The following CBLC variants were observed in gnomAD, a reference collection of about 807,000 sequenced individuals.
CBLC encodes the protein E3 ubiquitin-protein ligase CBL-C.
Under a neutral mutation model 58.6 loss-of-function variants are expected in CBLC, and 46 were observed. The ratio of observed to expected loss-of-function variants is 0.79; its 90% CI spans 0.62 to 1.00. CBLC has a LOEUF of 1.00. Among genes scored for constraint, CBLC ranks in the 50% least tolerant of loss-of-function variants. The pLI is 0.00. For synonymous variants in CBLC, 271 were observed against 264.2 expected (o/e 1.03, Z -0.25); for missense variants, 655 against 625.8 (o/e 1.05, Z -0.50).
intron 1 of CBLC, 112 bp downstream of exon 1, chr19:44,778,396 C>G: frequency 3.8e-6 from 4 of 1,050,072 alleles, no homozygotes; most frequent in Non-Finnish European, 4.9e-6. Flanking sequence ...TCCCTCAGAC[C>G]CAGGAACTCA....
intron 7 of CBLC, among the ~76,000 whole-genome samples, chr19:44,793,237 G>A (rs761341956): frequency 2.2e-4 from 34 of 152,148 alleles, no homozygotes; most frequent in Non-Finnish European, 4.3e-4. Flanking sequence ...GCTCCATGGG[G>A]ATCCCTGGCC....
intron 4 of CBLC, among the ~76,000 whole-genome samples, chr19:44,783,434 A>G (rs1967801443): frequency 6.6e-6 from 1 of 151,950 alleles, no homozygotes; most frequent in African/African-American, 2.4e-5. Context: ...ACTTGAACCC[A>G]GGAAGTGGAG....
chr19:44,782,476 G>A lies in CBLC; in HGVS notation c.764G>A (p.Arg255Lys). The change falls in exon 4 of 11, where the codon AGG becomes AAG. Residue 255 changes from arginine to lysine, a missense_variant. Arg to Lys is a conservative substitution (Grantham distance 26, BLOSUM62 2). This residue lies in a region of CBLC where 371 missense variants were observed against 370.8 expected (regional missense o/e 1.00). Coordinates refer to ENST00000647358, the MANE Select transcript of CBLC (RefSeq NM_012116.4). ...DEVQERLQAC[R>K]DKPGSYIFRP... ...GTCCAAGAGCGTCTGCAGGCCTGCA[G>A]GGACAAGCCAGGCAGGTAAAGGGTC... 6.2e-7 allele frequency: 1 copy of A among 1,613,662 alleles called. No individual in the cohort carries two copies. The highest frequency in any genetic ancestry group is 8.5e-7 in the Non-Finnish European group (1 of 1,179,724).
intron 5 of CBLC, among the ~76,000 whole-genome samples, chr19:44,788,493 T>TTTTTGAGACAGAGTC (rs1419455218): frequency 1.3e-5 from 2 of 148,522 alleles, no homozygotes; most frequent in Non-Finnish European, 3.0e-5. Flanking sequence ...TTTTTTTTTT[T>TTTTTGAGACAGAGTC]TTTTGAGACA....
At chr19:44,792,033 A>G (rs1968065452) in intron 6 of CBLC, among the ~76,000 whole-genome samples, 2 of 143,880 alleles carry the variant, frequency 1.4e-5, no homozygotes, top group African/African-American at 5.2e-5. Context: ...TGCTCTTGTT[A>G]CCCAGGCTGG....
At chr19:44,799,314 G>A (rs1273093368) in intron 9 of CBLC, among the ~76,000 whole-genome samples, 5 of 152,162 alleles carry the variant, frequency 3.3e-5, no homozygotes, top group African/African-American at 9.7e-5. Context: ...TCCAGACGAG[G>A]CAACAGAGCG....
chr19:44,800,447 C>A lies in CBLC; in HGVS notation c.*4C>A. ...CCAGGACCCTGCCCCGGCCTGAAGG[C>A]CAGGTGAGTCCATTCCCTAACCCTC... On this transcript the variant is annotated 3_prime_UTR_variant, in exon 10 of 11. Coordinates refer to ENST00000647358, the MANE Select transcript of CBLC (RefSeq NM_012116.4). The A allele has an allele frequency of 6.2e-7, 1 of 1,606,616 alleles. No homozygotes were observed. Among genetic ancestry groups the A allele is most frequent in the Non-Finnish European group, 8.5e-7 (1 of 1,173,580 alleles).
In CBLC at chr19:44,800,438, G is replaced by C; in HGVS notation, c.1420G>C (p.Ala474Pro). ...AALGPQDPAP[A>P] The stretch of plus-strand genomic sequence containing the variant: ...GCTGGGACCCCAGGACCCTGCCCCG[G>C]CCTGAAGGCCAGGTGAGTCCATTCC... Residue 474 changes from alanine (A) to proline (P), a missense_variant, in exon 10 of 11, where the codon GCC becomes CCC. Around this residue, in one of 3 missense-constraint regions of CBLC, gnomAD observed 371 missense variants for 370.8 expected, o/e 1.00. Transcript: ENST00000647358. 6.2e-7 allele frequency: 1 copy of C among 1,611,372 alleles called. No homozygotes were observed. The highest frequency in any genetic ancestry group is 8.5e-7 in the Non-Finnish European group (1 of 1,177,688).
chr19:44,800,460 T>C lies in CBLC; in HGVS notation c.*7+10T>C, dbSNP rs1216052570. ...CCGGCCTGAAGGCCAGGTGAGTCCA[T>C]TCCCTAACCCTCCCTGGCCCACTCC... On this transcript the variant is annotated intron_variant, in intron 10 of 10. Coordinates refer to ENST00000647358, the MANE Select transcript of CBLC (RefSeq NM_012116.4). The C allele has an allele frequency of 6.3e-7, 1 of 1,592,714 alleles. No individual in the cohort carries two copies. Among genetic ancestry groups the C allele is most frequent in the African/African-American group, 1.3e-5 (1 of 74,540 alleles).
chr19:44,788,443 A>C (rs1446484513), intron 5 of CBLC, among the ~76,000 whole-genome samples: 2 of 147,684 alleles, frequency 1.4e-5, no homozygotes, highest in African/African-American at 5.0e-5. Context: ...ATGTTTTATA[A>C]GCACTGTCTT....
Position 44,792,475 on chromosome 19 carries a change from C to T in CBLC, c.1098C>T (p.Cys366=), listed in dbSNP as rs34873320. 473 of 1,610,352 alleles carry T rather than the reference C, an allele frequency of 2.9e-4. No homozygotes were observed. The African/African-American group carries it at 5.3e-3, about 18-fold the overall frequency. ...ESNKDVKIEP[C]GHLLCSCCLA... ...ACAAGGATGTGAAGATTGAGCCGTG[C>T]GGGCACCTGCTCTGCAGCTGCTGCC... The change falls in exon 7 of 11, where the codon TGC becomes TGT. Residue 366 remains cysteine, a synonymous_variant. Transcript: ENST00000647358.
intron 4 of CBLC, 129 bp downstream of exon 4, chr19:44,782,620 G>T (rs1396769336): frequency 7.0e-6 from 5 of 716,720 alleles, no homozygotes; most frequent in Non-Finnish European, 1.2e-5. Context: ...CCAGAGAGTT[G>T]ATAACTCAGA....
chr19:44,789,989 C>T lies in CBLC; in HGVS notation c.918-15C>T. On this transcript the variant is annotated splice_polypyrimidine_tract_variant and intron_variant, in intron 5 of 10. Coordinates refer to ENST00000647358, the MANE Select transcript of CBLC (RefSeq NM_012116.4). ...CTGGATGGCCCCCCAGTCCCCCTCTCTTCCCTTCCCCCAGCTACCTCTACC... is the reference window on the plus strand; with the variant it reads ...CTGGATGGCCCCCCAGTCCCCCTCTTTTCCCTTCCCCCAGCTACCTCTACC... The T allele has an allele frequency of 2.5e-6, 4 of 1,597,486 alleles. No homozygotes were observed. The highest frequency in any genetic ancestry group is 3.4e-6 in the Non-Finnish European group (4 of 1,164,932).
intron 1 of CBLC, among the ~76,000 whole-genome samples, 169 bp downstream of exon 1, chr19:44,778,453 C>A (rs1396452242): frequency 1.6e-5 from 1 of 60,706 alleles, no homozygotes; most frequent in African/African-American, 1.0e-4. Flanking sequence ...AGCCCCCAGC[C>A]CCTCCTCCCT....
At chr19:44,791,727 G>A (rs866241134) in intron 6 of CBLC, among the ~76,000 whole-genome samples, 1 of 142,506 alleles carries the variant, frequency 7.0e-6, no homozygotes. Context: ...GCAAGACTGC[G>A]TCTCCAAAAA....
chr19:44,788,049 G>T (rs180679478), intron 5 of CBLC, among the ~76,000 whole-genome samples: 4 of 151,402 alleles, frequency 2.6e-5, no homozygotes, highest in Admixed American at 2.0e-4. Flanking sequence ...CTCCCTCTTC[G>T]GCCTCCCAAA....
intron 9 of CBLC, among the ~76,000 whole-genome samples, chr19:44,794,623 C>T (rs1306290090): frequency 6.6e-6 from 1 of 151,646 alleles, no homozygotes; most frequent in African/African-American, 2.4e-5. Flanking sequence ...CACCACCATG[C>T]CCCGCTAATT....
At chr19:44,797,594 T>TG (rs151182158) in intron 9 of CBLC, among the ~76,000 whole-genome samples, 18,098 of 141,372 alleles carry the variant, frequency 0.13, 1,368 homozygotes, top group South Asian at 0.25. Flanking sequence ...TTTTTTAAGA[T>TG]GGGGTCTCTG....
chr19:44,787,208 A>T (rs1967931310), intron 5 of CBLC, among the ~76,000 whole-genome samples: 1 of 151,982 alleles, frequency 6.6e-6, no homozygotes, highest in South Asian at 2.1e-4. Flanking sequence ...CTTGGCTAAC[A>T]CGGTGAAACC....
Sources: gnomAD v4.1 joint callset for allele counts (sites outside exome capture counted in the v4.1 genomes callset) on GRCh38, gnomAD v4.1.1 for gene constraint, gnomAD v4.1.1 regional missense constraint, MANE v1.5 for transcripts, NCBI Gene and HGNC (gene_info 2026-07-23, HGNC 2026-07-21) for gene names.